The following KCNH7 variants were observed in gnomAD, a reference collection of about 807,000 sequenced individuals.
The protein encoded by KCNH7 is potassium voltage-gated channel subfamily H member 7.
A neutral mutation model predicts 120.8 loss-of-function variants in KCNH7; 49 were observed. The ratio of observed to expected loss-of-function variants is 0.41; its 90% CI spans 0.32 to 0.51. The LOEUF is 0.51. Among genes scored for constraint, KCNH7 ranks in the 20% least tolerant of loss-of-function variants. KCNH7 has a pLI of 0.38. For synonymous variants in KCNH7, 547 were observed against 516.1 expected (o/e 1.06, Z -0.81); for missense variants, 1,097 against 1,446.6 (o/e 0.76, Z 3.92).
chr2:162,524,623 G>A (rs974181099), intron 3 of KCNH7, among the ~76,000 whole-genome samples: 5 of 151,940 alleles, frequency 3.3e-5, no homozygotes, highest in Non-Finnish European at 7.4e-5. Flanking sequence ...TTACAAGCCC[G>A]ACATTAAATT....
intron 2 of KCNH7, among the ~76,000 whole-genome samples, chr2:162,570,253 C>G (rs1693418808): frequency 6.7e-6 from 1 of 150,348 alleles, no homozygotes; most frequent in South Asian, 2.1e-4. Flanking sequence ...GTTAGCTCTT[C>G]TTGTTGAATT....
chr2:162,398,695 G>A (rs1315525629), intron 10 of KCNH7, among the ~76,000 whole-genome samples: 1 of 151,890 alleles, frequency 6.6e-6, no homozygotes, highest in Non-Finnish European at 1.5e-5. Flanking sequence ...ACTTGATAAA[G>A]CAAGAAAGCT....
At chr2:162,556,199 T>C (rs1352145290) in intron 2 of KCNH7, among the ~76,000 whole-genome samples, 3 of 152,130 alleles carry the variant, frequency 2.0e-5, no homozygotes, top group African/African-American at 7.2e-5. Context: ...AACACACACA[T>C]CAAACTGTTA....
chr2:162,432,549 T>C (rs1205441426), intron 8 of KCNH7, among the ~76,000 whole-genome samples: 2 of 152,076 alleles, frequency 1.3e-5, no homozygotes, highest in African/African-American at 2.4e-5. Flanking sequence ...TTTTCAACTT[T>C]CTATGCATTC....
chr2:162,550,598 G>A (rs1346653796), intron 2 of KCNH7, among the ~76,000 whole-genome samples: 3 of 152,060 alleles, frequency 2.0e-5, no homozygotes, highest in African/African-American at 7.2e-5. Context: ...TCTATACTGT[G>A]AGTAGCCCTG....
chr2:162,669,307 C>A (rs997763081), intron 2 of KCNH7, among the ~76,000 whole-genome samples: 1 of 152,056 alleles, frequency 6.6e-6, no homozygotes, highest in Non-Finnish European at 1.5e-5. Flanking sequence ...AATGATGTAA[C>A]TTAGATACAT....
intron 2 of KCNH7, among the ~76,000 whole-genome samples, chr2:162,592,142 G>C (rs936624982): frequency 6.6e-6 from 1 of 151,954 alleles, no homozygotes; most frequent in African/African-American, 2.4e-5. Flanking sequence ...AGGTTGGTGG[G>C]GTGATTCAAG....
intron 7 of KCNH7, among the ~76,000 whole-genome samples, chr2:162,437,843 G>A (rs942153369): frequency 6.6e-6 from 1 of 152,056 alleles, no homozygotes; most frequent in African/African-American, 2.4e-5. Flanking sequence ...ACAAGTGGGG[G>A]CCTTTCCGTA....
chr2:162,454,004 G>A (rs949227071), intron 6 of KCNH7, among the ~76,000 whole-genome samples: 5 of 152,078 alleles, frequency 3.3e-5, no homozygotes, highest in African/African-American at 1.2e-4. Flanking sequence ...ATTGCTTTTG[G>A]TGTTTCAGTC....
At position 162,653,695 on chromosome 2, in the gene KCNH7, A is replaced by C. The variant is rs1217981747; in HGVS notation, c.308-116615T>G. ...CAGAAGAGCCCAAATAGCAGAAGGT[A>C]TCTTGAGTAAAAAGAAAAAAGTTGA... On this transcript the variant is annotated intron_variant, in intron 2 of 15. Transcript: ENST00000332142. Among the ~76,000 whole-genome samples, 4 of 152,320 alleles carry C rather than the reference A, an allele frequency of 2.6e-5. No individual in the cohort carries two copies. In the East Asian group the frequency reaches 7.7e-4, roughly 29 times the overall value.
chr2:162,482,822 T>C (rs1182587761), intron 6 of KCNH7, among the ~76,000 whole-genome samples: 1 of 152,080 alleles, frequency 6.6e-6, no homozygotes, highest in African/African-American at 2.4e-5. Flanking sequence ...TGGATAGCTA[T>C]ACCAAAAAAA....
chr2:162,575,565 G>C (rs1693640866), intron 2 of KCNH7, among the ~76,000 whole-genome samples: 1 of 151,902 alleles, frequency 6.6e-6, no homozygotes, highest in African/African-American at 2.4e-5. Flanking sequence ...GCTGGCTCTT[G>C]TTTACCCCCA....
intron 2 of KCNH7, among the ~76,000 whole-genome samples, chr2:162,724,439 G>A (rs985417862): frequency 3.3e-5 from 5 of 152,060 alleles, no homozygotes; most frequent in Middle Eastern, 3.4e-3. Context: ...TTGGGAGGCC[G>A]AGGCGGGCGG....
At chr2:162,475,079 C>T (rs143858124) in intron 6 of KCNH7, among the ~76,000 whole-genome samples, 150 of 152,338 alleles carry the variant, frequency 9.8e-4, no homozygotes, top group African/African-American at 3.5e-3. Flanking sequence ...TTGTTGTCTT[C>T]AGACACTAAG....
At chr2:162,690,959 C>T (rs1325918139) in intron 2 of KCNH7, among the ~76,000 whole-genome samples, 3 of 152,132 alleles carry the variant, frequency 2.0e-5, no homozygotes, top group Non-Finnish European at 4.4e-5. Flanking sequence ...TTTTGTTCCA[C>T]TTCTCAGTGT....
chr2:162,645,925 C>A (rs942898724), intron 2 of KCNH7, among the ~76,000 whole-genome samples: 2 of 152,154 alleles, frequency 1.3e-5, no homozygotes, highest in African/African-American at 4.8e-5. Flanking sequence ...ACAAATCACC[C>A]TTTTCCCTGT....
rs186454374 is a variant in KCNH7 at position 162,581,285 on chromosome 2, C to T, written c.308-44205G>A. On this transcript the variant is annotated intron_variant, in intron 2 of 15. Coordinates refer to ENST00000332142, the MANE Select transcript of KCNH7 (RefSeq NM_033272.4). ...AAAACTAGCATTGCATACTGCACAA[C>T]TTACTTTGCTAATAATTGCACTTTT... 4.6e-5 allele frequency among the ~76,000 whole-genome samples: 7 copies of T among 152,196 alleles called. No homozygotes were observed. The East Asian group carries it at 1.4e-3, about 30-fold the overall frequency.
chr2:162,593,649 G>A (rs1309817029), intron 2 of KCNH7, among the ~76,000 whole-genome samples: 1 of 151,674 alleles, frequency 6.6e-6, no homozygotes, highest in African/African-American at 2.4e-5. Flanking sequence ...TTTTTTTCCT[G>A]CTTTCAGGTC....
intron 2 of KCNH7, among the ~76,000 whole-genome samples, chr2:162,716,331 A>T (rs1687124299): frequency 6.6e-6 from 1 of 152,216 alleles, no homozygotes; most frequent in South Asian, 2.1e-4. Context: ...CGTGATTGTT[A>T]TTTATTCTAT....
Sources: gnomAD v4.1 joint callset for allele counts (sites outside exome capture counted in the v4.1 genomes callset) on GRCh38, gnomAD v4.1.1 for gene constraint, MANE v1.5 for transcripts, NCBI Gene and HGNC (gene_info 2026-07-23, HGNC 2026-07-21) for gene names.